The following CCDC6 variants were observed in gnomAD, a reference collection of about 807,000 sequenced individuals.
CCDC6 encodes the protein coiled-coil domain containing 6.
In CCDC6, 20 loss-of-function variants were observed where a neutral mutation model predicts 56.6. The ratio of observed to expected loss-of-function variants is 0.35; its 90% CI spans 0.25 to 0.51. The LOEUF (loss-of-function observed/expected upper bound fraction) is 0.51, where lower values mean the gene tolerates loss of function less well. Among genes scored for constraint, CCDC6 ranks in the 20% least tolerant of loss-of-function variants. The probability of loss-of-function intolerance (pLI) is 0.95; values close to 1 mark genes in which losing one functional copy is unlikely to be tolerated. For missense variants in CCDC6, 367 were observed against 601.1 expected (o/e 0.61, Z 4.07); for synonymous variants, 241 against 234.4 (o/e 1.03, Z -0.26).
chr10:59,905,702 A>C (rs1188328333), intron 1 of CCDC6, among the ~76,000 whole-genome samples: 1 of 152,092 alleles, frequency 6.6e-6, no homozygotes, highest in Admixed American at 6.5e-5. Context: ...GCCAGGACCC[A>C]GTAAGAGATC....
chr10:59,812,893 T>G, intron 4 of CCDC6, 98 bp from the exon 5 acceptor site: 1 of 794,974 alleles, frequency 1.3e-6, no homozygotes, highest in Non-Finnish European at 2.0e-6. Context: ...AGCAAACTCC[T>G]GTTTACTGCC....
chr10:59,884,563 C>CA (rs1399908549), intron 1 of CCDC6, among the ~76,000 whole-genome samples: 2 of 152,016 alleles, frequency 1.3e-5, no homozygotes, highest in African/African-American at 4.8e-5. Flanking sequence ...GCCCAGTTCC[C>CA]AGAATACTTT....
Position 59,789,507 on chromosome 10 carries a change from A to C in CCDC6, c.*3410T>G, listed in dbSNP as rs1350322953. 4.3e-6 allele frequency: 1 copy of C among 232,968 alleles called. No homozygotes were observed. The highest frequency in any genetic ancestry group is 8.5e-6 in the Non-Finnish European group (1 of 117,772). The allele number at this position is 232,968 out of a possible 1,614,324, so 14.4% of individuals were successfully genotyped here. A position where few individuals can be genotyped will look rare whatever the true frequency, so the allele number is the denominator to read the frequency against. The stretch of plus-strand genomic sequence containing the variant: ...ACAAAAAATCACCAAAAACCTAGAA[A>C]CCCCTTAATCTCTTACAATGGCTCT... On this transcript the variant is annotated 3_prime_UTR_variant, in exon 9 of 9. Transcript: ENST00000263102.
At position 59,832,606 on chromosome 10, in the gene CCDC6, C is replaced by T; in HGVS notation, c.501G>A (p.Gln167=). 6.2e-7 allele frequency: 1 copy of T among 1,613,092 alleles called. No homozygotes were observed. The highest frequency in any genetic ancestry group is 8.5e-7 in the Non-Finnish European group (1 of 1,179,504). The change falls in exon 3 of 9, where the codon CAG becomes CAA. Residue 167 remains glutamine, a synonymous_variant. Transcript: ENST00000263102. The part of the protein sequence containing the change: ...AELEQHLEQE[Q]EFQVNKLMKK... ...TCATCAGTTTGTTGACCTGAAATTC[C>T]TGCTCTTGTTCAAGATGCTGTTCTA...
chr10:59,865,747 G>A (rs1310862109), intron 1 of CCDC6, among the ~76,000 whole-genome samples: 2 of 147,362 alleles, frequency 1.4e-5, no homozygotes, highest in East Asian at 2.0e-4. Flanking sequence ...AGCTACTTAG[G>A]AGGCTAAAGC....
intron 1 of CCDC6, among the ~76,000 whole-genome samples, chr10:59,873,783 C>T (rs1172697881): frequency 2.0e-5 from 3 of 151,704 alleles, no homozygotes; most frequent in East Asian, 3.9e-4. Context: ...TGGTATTTAC[C>T]TAAATTTGTG....
At chr10:59,896,851 CA>C (rs776790898) in intron 1 of CCDC6, among the ~76,000 whole-genome samples, 27 of 150,200 alleles carry the variant, frequency 1.8e-4, no homozygotes, top group African/African-American at 2.2e-4. Flanking sequence ...GTTTTTATCA[CA>C]AAAAAAAATG....
intron 4 of CCDC6, among the ~76,000 whole-genome samples, 167 bp from the exon 5 acceptor site, chr10:59,812,962 G>C (rs7909766): frequency 0.5 from 75,897 of 151,998 alleles, 20,094 homozygotes; most frequent in African/African-American, 0.69. Flanking sequence ...CTGCCCTTAC[G>C]TGGTGTCTCA....
intron 2 of CCDC6, among the ~76,000 whole-genome samples, chr10:59,848,132 C>G (rs554924659): frequency 2.6e-5 from 4 of 152,312 alleles, no homozygotes; most frequent in African/African-American, 9.6e-5. Context: ...AGATTTCCGC[C>G]TTGTAACCTA....
In CCDC6 at chr10:59,807,056, A is replaced by G; in HGVS notation, c.870T>C (p.Tyr290=). The part of the protein sequence containing the change: ...QLQHSEKMAQ[Y]LEEERHMREE... ...CTCTCATGTGACGTTCCTCCTCCAG[A>G]TACTGTGCCATTTTCTCTGAATCTG... Residue 290 remains tyrosine (Y), a synonymous_variant, in exon 6 of 9, where the codon TAT becomes TAC. Transcript: ENST00000263102. 1.2e-6 allele frequency: 2 copies of G among 1,613,878 alleles called. No homozygotes were observed. Among genetic ancestry groups the G allele is most frequent in the Non-Finnish European group, 1.7e-6 (2 of 1,179,946 alleles).
chr10:59,811,545 G>C (rs1489814321), intron 5 of CCDC6, among the ~76,000 whole-genome samples: 3 of 152,216 alleles, frequency 2.0e-5, no homozygotes, highest in African/African-American at 7.2e-5. Flanking sequence ...AGGCAGCTTT[G>C]TATGTATCAG....
chr10:59,862,093 T>C (rs1336707606), intron 1 of CCDC6, among the ~76,000 whole-genome samples: 2 of 151,930 alleles, frequency 1.3e-5, no homozygotes, highest in Admixed American at 6.6e-5. Context: ...AAGGACAGTA[T>C]AAAAATAGTG....
At chr10:59,831,395 ACT>A (rs1053994157) in intron 3 of CCDC6, among the ~76,000 whole-genome samples, 98 of 152,230 alleles carry the variant, frequency 6.4e-4, no homozygotes, top group African/African-American at 2.1e-3. Context: ...TTTAAGACAA[ACT>A]CTAACTTCCC....
At chr10:59,869,242 C>T (rs760865858) in intron 1 of CCDC6, among the ~76,000 whole-genome samples, 2 of 151,100 alleles carry the variant, frequency 1.3e-5, no homozygotes, top group Non-Finnish European at 3.0e-5. Flanking sequence ...GCCAGAAAAG[C>T]CTCCCTCAGA....
chr10:59,811,774 A>G (rs1004516576), intron 5 of CCDC6, among the ~76,000 whole-genome samples: 2 of 152,146 alleles, frequency 1.3e-5, no homozygotes, highest in African/African-American at 4.8e-5. Context: ...TGTATTTTCC[A>G]TCCATCTTTG....
chr10:59,828,667 T>C (rs2070809864), intron 3 of CCDC6, among the ~76,000 whole-genome samples: 1 of 152,158 alleles, frequency 6.6e-6, no homozygotes, highest in Admixed American at 6.5e-5. Flanking sequence ...CGGATTTCCA[T>C]TTCTGAAAAG....
In CCDC6 at chr10:59,862,564, T is replaced by TACACACAC. The variant is rs1317655013; in HGVS notation, c.304-9863_304-9862insGTGTGTGT. On this transcript the variant is annotated intron_variant, in intron 1 of 8. Transcript: ENST00000263102. ...ACACACACACACACACACATATATATACACATACACACACACACACATATA... is the reference window on the plus strand; with the variant it reads ...ACACACACACACACACACATATATATACACACACACACATACACACACACACACATATA... Among the ~76,000 whole-genome samples, 96 of 109,398 alleles carry TACACACAC rather than the reference T, an allele frequency of 8.8e-4. 3 individuals carry two copies. Among genetic ancestry groups the TACACACAC allele is most frequent in the Non-Finnish European group, 1.1e-3 (64 of 57,310 alleles). 71.8% of individuals were successfully genotyped at this position (109,398 alleles called of 152,430 possible). A position where few individuals can be genotyped will look rare whatever the true frequency, so the allele number is the denominator to read the frequency against.
intron 1 of CCDC6, among the ~76,000 whole-genome samples, chr10:59,888,994 C>T (rs1251559540): frequency 6.6e-6 from 1 of 152,014 alleles, no homozygotes; most frequent in African/African-American, 2.4e-5. Flanking sequence ...GCAGCCATTT[C>T]TCCTCCCAGG....
At chr10:59,847,703 T>C (rs1241690439) in intron 2 of CCDC6, among the ~76,000 whole-genome samples, 2 of 152,018 alleles carry the variant, frequency 1.3e-5, no homozygotes, top group African/African-American at 2.4e-5. Flanking sequence ...TACAAAAGTA[T>C]CATGTTGCTG....
Sources: allele counts gnomAD v4.1 joint callset (sites outside exome capture counted in the v4.1 genomes callset), GRCh38; gene constraint gnomAD v4.1.1; transcripts MANE v1.5; gene names NCBI Gene and HGNC (gene_info 2026-07-23, HGNC 2026-07-21).